LMTK3: variants seen among roughly 807,000 people sequenced by gnomAD.
The protein encoded by LMTK3 is lemur tail kinase 3.
LMTK3 carries 27 observed loss-of-function variants against 116.7 expected under a neutral mutation model. The observed-to-expected ratio is 0.23, with a 90% confidence interval of 0.17 to 0.32. LMTK3 has a LOEUF of 0.32. Ranked by LOEUF, LMTK3 falls within the 10% of genes least tolerant of loss-of-function variation. The probability of loss-of-function intolerance (pLI) is 1.00; values close to 1 mark genes in which losing one functional copy is unlikely to be tolerated. For missense variants in LMTK3, 1,764 were observed against 2,068.5 expected (o/e 0.85, Z 2.86); for synonymous variants, 965 against 971.0 (o/e 0.99, Z 0.11).
intron 5 of LMTK3, among the ~76,000 whole-genome samples, chr19:48,505,643 C>T (rs888895628): frequency 6.6e-6 from 1 of 152,112 alleles, no homozygotes; most frequent in Non-Finnish European, 1.5e-5. Flanking sequence ...GGGTGGATCA[C>T]CTGATGTCAG....
Position 48,497,896 on chromosome 19 carries a change from G to C in LMTK3, c.3173C>G (p.Pro1058Arg), listed in dbSNP as rs866827277. The C allele has an allele frequency of 6.7e-7, 1 of 1,482,560 alleles. No individual in the cohort carries two copies. The allele number at this position is 1,482,560 out of a possible 1,614,324, so 91.8% of individuals were successfully genotyped here. Residue 1058 changes from proline (P) to arginine (R), a missense_variant, in exon 11 of 15, where the codon CCC becomes CGC. By Grantham distance (103) the Pro-to-Arg change is moderately radical. This residue lies in a region of LMTK3 where 1,028 missense variants were observed against 1,050.6 expected (regional missense o/e 0.98). Transcript: ENST00000600059. The surrounding 1 kb of genome is among the most constrained non-coding windows in gnomAD (Gnocchi z 5.7). ...GTTCCGGGAGGAGACCACTGCGCTG[G>C]GTGCAGGGGCTCTCTCCAGAGAGGT... The part of the protein sequence containing the change: ...PETSLERAPA[P>R]SAVVSSRNGG...
At position 48,493,806 on chromosome 19, in the gene LMTK3, C is replaced by A; in HGVS notation, c.3980G>T (p.Arg1327Leu). The A allele has an allele frequency of 6.6e-7, 1 of 1,508,452 alleles. No individual in the cohort carries two copies. 93.4% of individuals were successfully genotyped at this position (1,508,452 alleles called of 1,614,324 possible). ...SADADAARPL[R>L]GLLKSPRGAD... ...CCCGCGCGGAGACTTGAGCAGCCCC[C>A]GCAGCGGGCGGGCCGCGTCCGCGTC... The change falls in exon 12 of 15, where the codon CGG (arginine) becomes CTG (leucine). Residue 1327 changes from arginine (R) to leucine (L), a missense_variant. By Grantham distance (102) the Arg-to-Leu change is moderately radical (BLOSUM62 -2). Around this residue, in one of 7 missense-constraint regions of LMTK3, gnomAD observed 281 missense variants for 301.4 expected, o/e 0.93. Transcript: ENST00000600059.
rs12462340 is a variant in LMTK3 at position 48,502,972 on chromosome 19, G to A, written c.582C>T (p.Leu194=). ...PYRSLQHPNV[L]QCLGLCVETL... The stretch of plus-strand genomic sequence containing the variant: ...TCTCCACGCACAGACCCAGGCACTG[G>A]AGGACATTGGGGTGCTGCAGGCTCC... The change falls in exon 6 of 15, where the codon CTC becomes CTT. Residue 194 remains leucine, a synonymous_variant. Transcript: ENST00000600059. The A allele has an allele frequency of 0.014, 23,272 of 1,612,800 alleles. 307 individuals are homozygous for A. Among genetic ancestry groups the A allele is most frequent in the Middle Eastern group, 0.1 (607 of 6,054 alleles).
intron 5 of LMTK3, among the ~76,000 whole-genome samples, chr19:48,505,068 A>G (rs989163812): frequency 5.1e-5 from 6 of 117,430 alleles, no homozygotes; most frequent in Non-Finnish European, 8.6e-5. Flanking sequence ...GGTATTTGTC[A>G]TTCTCTGACA....
chr19:48,499,705 T>C lies in LMTK3; in HGVS notation c.1364A>G (p.Asp455Gly). ...GTCGGGGTCGGCTCCAGGGAAGCCATCCAGTAGGGGGAACGGTGAGGAGAG... is the reference window on the plus strand; with the variant it reads ...GTCGGGGTCGGCTCCAGGGAAGCCACCCAGTAGGGGGAACGGTGAGGAGAG... ...GTLSSPFPLL[D>G]GFPGADPDDV... is the part of the protein sequence containing the mutation. The change falls in exon 11 of 15, where the codon GAT becomes GGT. Residue 455 changes from aspartate (D) to glycine (G), a missense_variant. Asp to Gly is a moderately conservative substitution (Grantham distance 94). This residue lies in a region of LMTK3 where 63 missense variants were observed against 65.0 expected (regional missense o/e 0.97). Coordinates refer to ENST00000600059, the MANE Select transcript of LMTK3 (RefSeq NM_001388485.1). The C allele has an allele frequency of 6.6e-7, 1 of 1,522,494 alleles. No homozygotes were observed. The highest frequency in any genetic ancestry group is 8.8e-7 in the Non-Finnish European group (1 of 1,134,004). The allele number at this position is 1,522,494 out of a possible 1,614,324, so 94.3% of individuals were successfully genotyped here. A position where few individuals can be genotyped will look rare whatever the true frequency, so the allele number is the denominator to read the frequency against.
intron 5 of LMTK3, among the ~76,000 whole-genome samples, chr19:48,505,099 CTCTCTTTTTTTTT>C (rs1391596319): frequency 9.8e-6 from 1 of 101,794 alleles, no homozygotes; most frequent in African/African-American, 4.5e-5. Context: ...CTCTCTCTCT[CTCTCTTTTTTTTT>C]TTTTTTTTTT....
intron 10 of LMTK3, 46 bp from the exon 11 acceptor site, chr19:48,499,963 G>C: frequency 6.6e-7 from 1 of 1,517,412 alleles, no homozygotes. Flanking sequence ...ACCCAGGGAG[G>C]GGAAAGAGAC....
chr19:48,485,937 T>G lies in LMTK3; in HGVS notation c.4367-148A>C, dbSNP rs893605414. ...CCTCTCTGTCCTCACCTACCCCTCT[T>G]CTCCCCTCTGCTCCAGCCACTGGGC... is the stretch of plus-strand genomic sequence containing the variant. On this transcript the variant is annotated intron_variant, in intron 14 of 14. Transcript: ENST00000600059. The G allele has an allele frequency of 6.6e-6, 5 of 761,768 alleles. No individual in the cohort carries two copies. The African/African-American group carries it at 9.1e-5, about 14-fold the overall frequency. The allele number at this position is 761,768 out of a possible 1,614,324, so 47.2% of individuals were successfully genotyped here. A position where few individuals can be genotyped will look rare whatever the true frequency, so the allele number is the denominator to read the frequency against.
rs911905788 is a variant in LMTK3 at position 48,502,895 on chromosome 19, C to T, written c.645+14G>A. 7 of 1,603,696 alleles carry T rather than the reference C, an allele frequency of 4.4e-6. No individual in the cohort carries two copies. The highest frequency in any genetic ancestry group is 1.7e-4 in the Middle Eastern group (1 of 6,060). Reference sequence around the variant, plus strand: ...TGCCCCCTCTGCCCTTCCCCAACCCCCCAAGACCCTCACCAGTTGACAGAA... The same window carrying T: ...TGCCCCCTCTGCCCTTCCCCAACCCTCCAAGACCCTCACCAGTTGACAGAA... On this transcript the variant is annotated intron_variant, in intron 6 of 14. Transcript: ENST00000600059.
In LMTK3 at chr19:48,497,864, C is replaced by T; in HGVS notation, c.3205G>A (p.Glu1069Lys). The T allele has an allele frequency of 6.9e-7, 1 of 1,442,072 alleles. No homozygotes were observed. Among genetic ancestry groups the T allele is most frequent in the East Asian group, 2.5e-5 (1 of 39,530 alleles). The allele number at this position is 1,442,072 out of a possible 1,614,324, so 89.3% of individuals were successfully genotyped here. Residue 1069 changes from glutamate to lysine, a missense_variant, in exon 11 of 15, where the codon GAG becomes AAG. Coordinates refer to ENST00000600059, the MANE Select transcript of LMTK3 (RefSeq NM_001388485.1). The surrounding 1 kb of genome is among the most constrained non-coding windows in gnomAD (Gnocchi z 5.7). ...GGGCCAAGGGGGCCAGGGGCTGTCT[C>T]CCCGCCGTTCCGGGAGGAGACCACT... is the stretch of plus-strand genomic sequence containing the variant. ...SAVVSSRNGG[E>K]TAPGPLGPAP... is the part of the protein sequence containing the mutation.
At chr19:48,502,672 G>T in intron 6 of LMTK3, 91 bp from the exon 7 acceptor site, 2 of 1,401,650 alleles carry the variant, frequency 1.4e-6, no homozygotes, top group Non-Finnish European at 1.9e-6. Context: ...GCTGTCACTG[G>T]GTAGCCCCTC....
intron 11 of LMTK3, among the ~76,000 whole-genome samples, chr19:48,495,603 C>T (rs926836094): frequency 2.6e-5 from 4 of 152,172 alleles, no homozygotes; most frequent in African/African-American, 7.2e-5. Context: ...TGACAGTGTT[C>T]GAACACCACA....
In LMTK3 at chr19:48,487,629, G is replaced by A. The variant is rs555685498; in HGVS notation, c.4367-1840C>T. Among the ~76,000 whole-genome samples, 13 of 152,186 alleles carry A rather than the reference G, an allele frequency of 8.5e-5. No individual in the cohort carries two copies. The South Asian group carries it at 1.2e-3, about 15-fold the overall frequency. On this transcript the variant is annotated intron_variant, in intron 14 of 14. Coordinates refer to ENST00000600059, the MANE Select transcript of LMTK3 (RefSeq NM_001388485.1). ...GGAAAGAGCTCTCCCCAGGAACTCC[G>A]ACCAAACTTTCCTATGACTCTAGCT...
chr19:48,502,855 C>A, intron 6 of LMTK3, 54 bp downstream of exon 6: 2 of 1,355,158 alleles, frequency 1.5e-6, no homozygotes, highest in Admixed American at 3.7e-5. Context: ...AGGCTTGGCC[C>A]CGGCCTTGTC....
At position 48,491,874 on chromosome 19, in the gene LMTK3, C is replaced by T. The variant is rs1972233701; in HGVS notation, c.4093-335G>A. ...CCAAAGCGATCTCCATAAGCCCCAC[C>T]CCGTCCACGTCAGTCCCACCCACCT... On this transcript the variant is annotated intron_variant, in intron 12 of 14. Transcript: ENST00000600059. The surrounding 1 kb of genome is among the most constrained non-coding windows in gnomAD (Gnocchi z 5.1). Among the ~76,000 whole-genome samples, 1 of 152,128 alleles carries T rather than the reference C, an allele frequency of 6.6e-6. No individual in the cohort carries two copies. The highest frequency in any genetic ancestry group is 1.5e-5 in the Non-Finnish European group (1 of 68,024).
chr19:48,497,922 C>T lies in LMTK3; in HGVS notation c.3147G>A (p.Glu1049=), dbSNP rs1972364068. The change falls in exon 11 of 15, where the codon GAG becomes GAA. Residue 1049 remains glutamate, a synonymous_variant. Transcript: ENST00000600059. This position sits in a 1 kb window ranked among gnomAD's most constrained non-coding sequence, Gnocchi z 5.7. ...PAPTIGEPAP[E]TSLERAPAPS... ...GTGCAGGGGCTCTCTCCAGAGAGGT[C>T]TCTGGGGCTGGCTCCCCGATCGTGG... The T allele has an allele frequency of 2.0e-6, 3 of 1,529,774 alleles. No homozygotes were observed. Among genetic ancestry groups the T allele is most frequent in the African/African-American group, 1.4e-5 (1 of 71,938 alleles). 94.8% of individuals were successfully genotyped at this position (1,529,774 alleles called of 1,614,324 possible).
At chr19:48,509,872 A>G in intron 3 of LMTK3, 151 bp downstream of exon 3, 1 of 835,738 alleles carries the variant, frequency 1.2e-6, no homozygotes, top group South Asian at 1.8e-5. Flanking sequence ...GCCTCCCCAT[A>G]GGCTGCTTCC....
rs78888183 is a variant in LMTK3 at position 48,492,703 on chromosome 19, A to G, written c.4092+991T>C. Among the ~76,000 whole-genome samples, 27 of 152,128 alleles carry G rather than the reference A, an allele frequency of 1.8e-4. 2 individuals carry two copies. The East Asian group carries it at 5.2e-3, about 29-fold the overall frequency. On this transcript the variant is annotated intron_variant, in intron 12 of 14. Coordinates refer to ENST00000600059, the MANE Select transcript of LMTK3 (RefSeq NM_001388485.1). ...GAACTCTAGTCAACAAACCATGCCC[A>G]AACTCTCACTAGGCCCCTTCACCAT... is the stretch of plus-strand genomic sequence containing the variant.
In LMTK3 at chr19:48,498,063, C is replaced by T. The variant is rs773467354; in HGVS notation, c.3006G>A (p.Lys1002=). Residue 1002 remains lysine (K), a synonymous_variant, in exon 11 of 15, where the codon AAG becomes AAA. Transcript: ENST00000600059. ...ATCTCAGGCCCCCATTCTCTGACAC[C>T]TTGTCCTCGCTCTTTGGGGGTGTCA... ...GGLTPPKSED[K]VSENGGLRFP... is the part of the protein sequence containing the mutation. 1.2e-6 allele frequency: 2 copies of T among 1,612,810 alleles called. No homozygotes were observed. Among genetic ancestry groups the T allele is most frequent in the Non-Finnish European group, 1.7e-6 (2 of 1,179,798 alleles).
Sources: gnomAD v4.1 joint callset for allele counts (sites outside exome capture counted in the v4.1 genomes callset) on GRCh38, gnomAD v4.1.1 for gene constraint, gnomAD v4.1.1 regional missense constraint, Gnocchi (gnomAD v3.1) non-coding constraint, MANE v1.5 for transcripts, NCBI Gene and HGNC (gene_info 2026-07-23, HGNC 2026-07-21) for gene names.